LSAMP: variants seen among roughly 807,000 people sequenced by gnomAD.
LSAMP encodes limbic system associated membrane protein.
A neutral mutation model predicts 38.6 loss-of-function variants in LSAMP; 7 were observed. The ratio of observed to expected loss-of-function variants is 0.18; its 90% confidence interval spans 0.10 to 0.34. LSAMP has a LOEUF of 0.34. Among genes scored for constraint, LSAMP ranks in the 10% least tolerant of loss-of-function variants. The pLI is 1.00. For missense variants in LSAMP, 313 were observed against 420.0 expected (o/e 0.75, Z 2.23); for synonymous variants, 154 against 166.8 (o/e 0.92, Z 0.59).
At chr3:115,847,673 A>G (rs1297200093) in intron 4 of LSAMP, among the ~76,000 whole-genome samples, 3 of 152,186 alleles carry the variant, frequency 2.0e-5, no homozygotes, top group Non-Finnish European at 4.4e-5. Flanking sequence ...AGAGTTTGGT[A>G]GTTCCTCCTG....
rs2046722302 is a variant in LSAMP, at chr3:116,254,294, T to C, written c.156-167738A>G. Among the ~76,000 whole-genome samples, 4 of 152,134 alleles carry C rather than the reference T, an allele frequency of 2.6e-5. 1 individual carries two copies. Among genetic ancestry groups the C allele is most frequent in the Admixed American group, 2.6e-4 (4 of 15,268 alleles). ...TGTATTGATTCATGTAACATACAGA[T>C]TTATATACAATTTCACTCACCACTG... On this transcript the variant is annotated intron_variant, in intron 1 of 6. Coordinates refer to ENST00000490035, the MANE Select transcript of LSAMP (RefSeq NM_002338.5).
chr3:116,379,606 T>C (rs896788001), intron 1 of LSAMP, among the ~76,000 whole-genome samples: 2 of 151,968 alleles, frequency 1.3e-5, no homozygotes, highest in Non-Finnish European at 2.9e-5. Context: ...AAGTGGGCAG[T>C]TGGAATAGAA....
At chr3:116,164,219 G>A (rs1174876736) in intron 1 of LSAMP, among the ~76,000 whole-genome samples, 1 of 152,004 alleles carries the variant, frequency 6.6e-6, no homozygotes, top group Admixed American at 6.6e-5. Flanking sequence ...AGAAAGAAGT[G>A]TCTGGTTTCC....
chr3:115,906,817 G>A (rs943360775), intron 3 of LSAMP, among the ~76,000 whole-genome samples: 9 of 152,062 alleles, frequency 5.9e-5, no homozygotes, highest in African/African-American at 1.7e-4. Context: ...GGTCCACTAA[G>A]CAGGTATTTA....
intron 1 of LSAMP, among the ~76,000 whole-genome samples, chr3:116,208,096 A>G (rs377207466): frequency 6.1e-5 from 9 of 148,552 alleles, no homozygotes; most frequent in African/African-American, 1.8e-4. Context: ...GGCTTTGCTC[A>G]TTTCTTTTTA....
chr3:116,269,884 C>T (rs1002102955), intron 1 of LSAMP, among the ~76,000 whole-genome samples: 2 of 152,208 alleles, frequency 1.3e-5, no homozygotes, highest in South Asian at 2.1e-4. Context: ...ATAAGCATAC[C>T]TTATATTGTA....
intron 1 of LSAMP, among the ~76,000 whole-genome samples, chr3:116,104,426 A>G (rs1039373080): frequency 6.6e-6 from 1 of 151,898 alleles, no homozygotes; most frequent in African/African-American, 2.4e-5. Flanking sequence ...CAACCACCCA[A>G]CAAAGAAAAC....
intron 1 of LSAMP, among the ~76,000 whole-genome samples, chr3:116,416,533 G>A (rs2049053071): frequency 6.6e-6 from 1 of 152,158 alleles, no homozygotes; most frequent in Non-Finnish European, 1.5e-5. Flanking sequence ...CAGTTGTCAA[G>A]GCTGGAATAC....
At chr3:116,384,551 AC>A (rs2048601376) in intron 1 of LSAMP, among the ~76,000 whole-genome samples, 1 of 152,056 alleles carries the variant, frequency 6.6e-6, no homozygotes, top group Admixed American at 6.6e-5. Flanking sequence ...ATATAATTAG[AC>A]CCATTAGCCT....
At chr3:116,288,345 A>C (rs973449920) in intron 1 of LSAMP, among the ~76,000 whole-genome samples, 2 of 152,196 alleles carry the variant, frequency 1.3e-5, no homozygotes, top group Non-Finnish European at 2.9e-5. Flanking sequence ...AGGTATCGTT[A>C]ATTGTGGGTA....
intron 3 of LSAMP, among the ~76,000 whole-genome samples, chr3:115,898,029 C>G (rs1223600578): frequency 6.6e-6 from 1 of 152,134 alleles, no homozygotes; most frequent in Non-Finnish European, 1.5e-5. Flanking sequence ...CATGATATCC[C>G]TCCTGAGGAA....
At chr3:116,335,767 A>C (rs2047912263) in intron 1 of LSAMP, among the ~76,000 whole-genome samples, 1 of 152,082 alleles carries the variant, frequency 6.6e-6, no homozygotes, top group African/African-American at 2.4e-5. Flanking sequence ...AGTTGGGCAA[A>C]ATTATTTAAT....
chr3:116,340,478 A>G (rs1299140514), intron 1 of LSAMP, among the ~76,000 whole-genome samples: 1 of 151,994 alleles, frequency 6.6e-6, no homozygotes. Context: ...AAGATGGAAA[A>G]AAGTACTATC....
At chr3:115,869,773 T>C (rs1935974559) in intron 3 of LSAMP, among the ~76,000 whole-genome samples, 1 of 152,130 alleles carries the variant, frequency 6.6e-6, no homozygotes. Context: ...TGTTAGATTG[T>C]AGATTAAATG....
At chr3:115,926,435 C>G (rs1937500637) in intron 3 of LSAMP, among the ~76,000 whole-genome samples, 1 of 152,202 alleles carries the variant, frequency 6.6e-6, no homozygotes, top group South Asian at 2.1e-4. Flanking sequence ...ATTTTTCTAG[C>G]ACTGAGAGCT....
chr3:116,011,273 GT>G (rs111771374), intron 3 of LSAMP, among the ~76,000 whole-genome samples: 2,750 of 152,242 alleles, frequency 0.018, 84 homozygotes, highest in African/African-American at 0.062. Flanking sequence ...TTAAAATGCA[GT>G]TTTATTAATT....
intron 1 of LSAMP, among the ~76,000 whole-genome samples, chr3:116,093,221 T>A (rs1708160916): frequency 6.6e-6 from 1 of 152,174 alleles, no homozygotes; most frequent in Non-Finnish European, 1.5e-5. Flanking sequence ...ATTTTTTGGT[T>A]GTCACAACTA....
At chr3:116,367,573 C>G (rs1374790710) in intron 1 of LSAMP, among the ~76,000 whole-genome samples, 1 of 149,398 alleles carries the variant, frequency 6.7e-6, no homozygotes, top group Non-Finnish European at 1.5e-5. Flanking sequence ...GGTGCAATCT[C>G]AGCTCACTGC....
intron 1 of LSAMP, among the ~76,000 whole-genome samples, chr3:116,259,076 A>G (rs774518612): frequency 1.3e-5 from 2 of 152,132 alleles, no homozygotes; most frequent in Non-Finnish European, 2.9e-5. Context: ...TCAGTTCATG[A>G]GTGGTGTTAA....
Sources: allele counts gnomAD v4.1 joint callset (sites outside exome capture counted in the v4.1 genomes callset), GRCh38; gene constraint gnomAD v4.1.1; transcripts MANE v1.5; gene names NCBI Gene and HGNC (gene_info 2026-07-23, HGNC 2026-07-21).